ELL: variants seen among roughly 807,000 people sequenced by gnomAD.
ELL encodes the protein elongation factor for RNA polymerase II.
A neutral mutation model predicts 64.0 loss-of-function variants in ELL; 18 were observed. The ratio of observed to expected loss-of-function variants is 0.28; its 90% confidence interval spans 0.19 to 0.42. The LOEUF is 0.42. ELL is among the 10% of genes least tolerant of loss of function. The pLI is 1.00. For synonymous variants in ELL, 399 were observed against 376.2 expected (o/e 1.06, Z -0.70); for missense variants, 797 against 870.4 (o/e 0.92, Z 1.06).
rs1555735612 is a variant in ELL, at chr19:18,482,794, T to TTGCTGCTGC, written c.136-9913_136-9912insGCAGCAGCA. Among the ~76,000 whole-genome samples, 497 of 150,170 alleles carry TTGCTGCTGC rather than the reference T, an allele frequency of 3.3e-3. 3 individuals are homozygous for TTGCTGCTGC. The highest frequency in any genetic ancestry group is 0.01 in the African/African-American group (415 of 40,182). ...GTTGTTGTTGTTGTTGTTGTTGTTG[T>TTGCTGCTGC]TGCTGCTGTTGTTTTGAGACAGGGC... On this transcript the variant is annotated intron_variant, in intron 1 of 11. Coordinates refer to ENST00000262809, the MANE Select transcript of ELL (RefSeq NM_006532.4).
intron 6 of ELL, among the ~76,000 whole-genome samples, chr19:18,457,217 TCCC>T (rs1974700183): frequency 6.6e-6 from 1 of 152,054 alleles, no homozygotes; most frequent in African/African-American, 2.4e-5. Context: ...CCGGGGAAGC[TCCC>T]CGACGCCCCA....
rs1440478505 is a variant in ELL at position 18,479,652 on chromosome 19, T to C, written c.136-6770A>G. ...TGAACCCGGTAGGCGGAGGTTGCAG[T>C]GAGCTGAGATCAAGCCACTGCACTC... On this transcript the variant is annotated intron_variant, in intron 1 of 11. Coordinates refer to ENST00000262809, the MANE Select transcript of ELL (RefSeq NM_006532.4). 4.4e-5 allele frequency among the ~76,000 whole-genome samples: 6 copies of C among 137,538 alleles called. 1 individual carries two copies. Among genetic ancestry groups the C allele is most frequent in the East Asian group, 4.2e-4 (2 of 4,770 alleles). 90.2% of individuals were successfully genotyped at this position (137,538 alleles called of 152,430 possible). A position where few individuals can be genotyped will look rare whatever the true frequency, so the allele number is the denominator to read the frequency against.
chr19:18,509,593 G>GCGCGCGCGCGCGCGCGCACA (rs1438642062), intron 1 of ELL, among the ~76,000 whole-genome samples: 1 of 83,236 alleles, frequency 1.2e-5, no homozygotes, highest in Non-Finnish European at 2.9e-5. Context: ...GCGCGCGCGC[G>GCGCGCGCGCGCGCGCGCACA]CACATACACA....
intron 1 of ELL, among the ~76,000 whole-genome samples, chr19:18,506,914 A>T (rs1479782609): frequency 6.6e-6 from 1 of 151,824 alleles, no homozygotes; most frequent in Non-Finnish European, 1.5e-5. Flanking sequence ...CCTTCTCAAC[A>T]CGGCTCCACT....
chr19:18,458,234 G>T lies in ELL; in HGVS notation c.840C>A (p.Asp280Glu). 1 of 1,611,890 alleles carries T rather than the reference G, an allele frequency of 6.2e-7. No homozygotes were observed. The highest frequency in any genetic ancestry group is 8.5e-7 in the Non-Finnish European group (1 of 1,180,032). Reference protein sequence around the residue: ...QKDWPGYSEGDQQLLKRVLVR... With the variant: ...QKDWPGYSEGEQQLLKRVLVR... Reference sequence around the variant, plus strand: ...CGAGCACCCGCTTCAGCAGCTGCTGGTCCCCCTCCGAGTAGCCAGGCCAGT... The same window carrying T: ...CGAGCACCCGCTTCAGCAGCTGCTGTTCCCCCTCCGAGTAGCCAGGCCAGT... The change falls in exon 6 of 12, where the codon GAC (aspartate) becomes GAA (glutamate). Residue 280 changes from aspartate to glutamate, a missense_variant. Transcript: ENST00000262809.
At chr19:18,480,176 A>C (rs1354259206) in intron 1 of ELL, among the ~76,000 whole-genome samples, 1 of 152,242 alleles carries the variant, frequency 6.6e-6, no homozygotes. Context: ...GGGAAGGTGA[A>C]GTCCCGGGAA....
At chr19:18,483,767 T>C (rs1254937245) in intron 1 of ELL, among the ~76,000 whole-genome samples, 4 of 152,196 alleles carry the variant, frequency 2.6e-5, no homozygotes, top group African/African-American at 9.7e-5. Context: ...ACAGTGCTTC[T>C]ATGTCCCTGA....
chr19:18,493,031 G>A (rs1975564901), intron 1 of ELL, among the ~76,000 whole-genome samples: 1 of 152,040 alleles, frequency 6.6e-6, no homozygotes, highest in African/African-American at 2.4e-5. Flanking sequence ...GTCACCTGCT[G>A]CTCCTAATCC....
intron 2 of ELL, chr19:18,472,633 G>C: frequency 1.7e-6 from 1 of 589,298 alleles, no homozygotes; most frequent in Non-Finnish European, 2.9e-6. Context: ...CATTGCCCAA[G>C]CAGCCTGTGA....
rs1017750799 is a variant in ELL, at chr19:18,449,143, G to T, written c.1465+1334C>A. ...ACTGCCTAGGGGCCAACACGCACCA[G>T]GCCAGACAGGAAACCACCTTGAGTC... is the stretch of plus-strand genomic sequence containing the variant. On this transcript the variant is annotated intron_variant, in intron 8 of 11. Transcript: ENST00000262809. This position sits in a 1 kb window ranked among gnomAD's most constrained non-coding sequence, Gnocchi z 4.4. Among the ~76,000 whole-genome samples the T allele has an allele frequency of 6.6e-6, 1 of 152,112 alleles. No individual in the cohort carries two copies. The highest frequency in any genetic ancestry group is 1.5e-5 in the Non-Finnish European group (1 of 67,996).
intron 10 of ELL, 29 bp from the exon 11 acceptor site, chr19:18,445,297 CA>C: frequency 6.2e-7 from 1 of 1,612,430 alleles, no homozygotes; most frequent in South Asian, 1.1e-5. Flanking sequence ...TTTGAGAAAA[CA>C]GAATGTGTCC....
At chr19:18,516,129 G>A (rs776916051) in intron 1 of ELL, among the ~76,000 whole-genome samples, 5 of 152,100 alleles carry the variant, frequency 3.3e-5, no homozygotes, top group Admixed American at 2.6e-4. Flanking sequence ...GGGCCCTGCT[G>A]TGAGAATGGA....
rs180981670 is a variant in ELL, at chr19:18,443,586, G to A, written c.*1166C>T. The stretch of plus-strand genomic sequence containing the variant: ...CATGCCCTGGGGGGTCCCCACATAC[G>A]CACACTCACACACCCACACTTGCGT... On this transcript the variant is annotated 3_prime_UTR_variant, in exon 12 of 12. Coordinates refer to ENST00000262809, the MANE Select transcript of ELL (RefSeq NM_006532.4). The A allele has an allele frequency of 1.7e-5, 4 of 233,170 alleles. No homozygotes were observed. The highest frequency in any genetic ancestry group is 1.8e-4 in the South Asian group (1 of 5,524). The allele number at this position is 233,170 out of a possible 1,614,324, so 14.4% of individuals were successfully genotyped here.
Position 18,501,064 on chromosome 19 carries a change from G to A in ELL, c.135+20857C>T, listed in dbSNP as rs775742887. ...AACTCACAGCAGGAGAGGCAATGCC[G>A]TCCCATCCCAAGCATGTGGGCGCAC... On this transcript the variant is annotated intron_variant, in intron 1 of 11. Coordinates refer to ENST00000262809, the MANE Select transcript of ELL (RefSeq NM_006532.4). The surrounding 1 kb of genome is among the most constrained non-coding windows in gnomAD (Gnocchi z 4.5). 4.6e-5 allele frequency among the ~76,000 whole-genome samples: 7 copies of A among 152,006 alleles called. No individual in the cohort carries two copies. Among genetic ancestry groups the A allele is most frequent in the South Asian group, 2.1e-4 (1 of 4,812 alleles).
chr19:18,497,405 T>C (rs1371950963), intron 1 of ELL, among the ~76,000 whole-genome samples: 2 of 152,168 alleles, frequency 1.3e-5, no homozygotes, highest in Admixed American at 6.5e-5. Context: ...TGGAGGATTT[T>C]TGGGGCAGTG....
intron 5 of ELL, among the ~76,000 whole-genome samples, chr19:18,460,664 T>C (rs1974789045): frequency 6.6e-6 from 1 of 152,202 alleles, no homozygotes; most frequent in Non-Finnish European, 1.5e-5. Context: ...TCCGTAAACA[T>C]GGAAGAACGT....
At chr19:18,490,877 G>A (rs1250878001) in intron 1 of ELL, among the ~76,000 whole-genome samples, 3 of 152,124 alleles carry the variant, frequency 2.0e-5, no homozygotes, top group African/African-American at 7.2e-5. Context: ...CTGGCCTGGG[G>A]AGGAGCCCCC....
intron 1 of ELL, among the ~76,000 whole-genome samples, chr19:18,513,608 G>GA (rs912063645): frequency 1.1e-4 from 17 of 148,592 alleles, no homozygotes; most frequent in South Asian, 4.2e-4. Flanking sequence ...TAGTAAAAAG[G>GA]AAAAAAAAAA....
At chr19:18,470,313 C>G (rs1452769946) in intron 2 of ELL, among the ~76,000 whole-genome samples, 2 of 152,262 alleles carry the variant, frequency 1.3e-5, no homozygotes, top group African/African-American at 4.8e-5. Context: ...ATCTGACGGG[C>G]TCGCTGAGAT....
Sources: allele counts gnomAD v4.1 joint callset (sites outside exome capture counted in the v4.1 genomes callset), GRCh38; gene constraint gnomAD v4.1.1; non-coding constraint Gnocchi (gnomAD v3.1); transcripts MANE v1.5; gene names NCBI Gene and HGNC (gene_info 2026-07-23, HGNC 2026-07-21).